The following RTTN variants were observed in gnomAD, a reference collection of about 807,000 sequenced individuals.
RTTN encodes rotatin.
RTTN carries 182 observed loss-of-function variants against 269.2 expected under a neutral mutation model. The ratio of observed to expected loss-of-function variants is 0.68; its 90% CI spans 0.60 to 0.76. The LOEUF is 0.76. Among genes scored for constraint, RTTN ranks in the 30% least tolerant of loss-of-function variants. The pLI is 0.00. For synonymous variants in RTTN, 1,006 were observed against 963.5 expected (o/e 1.04, Z -0.82); for missense variants, 2,545 against 2,608.6 (o/e 0.98, Z 0.53).
At position 70,184,708 on chromosome 18, in the gene RTTN, T is replaced by TGTG. The variant is rs1346425275; in HGVS notation, c.1305+3399_1305+3400insCAC. 2.8e-3 allele frequency among the ~76,000 whole-genome samples: 164 copies of TGTG among 58,548 alleles called. 5 individuals are homozygous for TGTG. Among genetic ancestry groups the TGTG allele is most frequent in the African/African-American group, 0.011 (159 of 14,380 alleles). 38.4% of individuals were successfully genotyped at this position (58,548 alleles called of 152,430 possible). On this transcript the variant is annotated intron_variant, in intron 10 of 48. Coordinates refer to ENST00000640769, the MANE Select transcript of RTTN (RefSeq NM_173630.4). ...TCCATTCAAAACCACAGCAGGTTTT[T>TGTG]TTTTTTTTTGTGTGTGTGTGTGTGT...
In RTTN at chr18:70,142,317, G is replaced by A. The variant is rs374285374; in HGVS notation, c.2552C>T (p.Ala851Val). The A allele has an allele frequency of 2.5e-6, 4 of 1,605,776 alleles. No individual in the cohort carries two copies. Among genetic ancestry groups the A allele is most frequent in the African/African-American group, 2.7e-5 (2 of 74,124 alleles). Reference protein sequence around the residue: ...DDVDLVLRKSAAEQLAVIMQD... With the variant: ...DDVDLVLRKSVAEQLAVIMQD... ...CATAATCACAGCTAACTGTTCAGCA[G>A]CTGACTTTCTCAAAACGAGATCAAC... The change falls in exon 19 of 49, where the codon GCT becomes GTT. Residue 851 changes from alanine to valine, a missense_variant. Physicochemically the swap from Ala to Val is moderately conservative, Grantham distance 64. Transcript: ENST00000640769.
chr18:70,104,815 G>A (rs564107835), intron 28 of RTTN, among the ~76,000 whole-genome samples: 20 of 152,180 alleles, frequency 1.3e-4, no homozygotes, highest in Non-Finnish European at 2.6e-4. Flanking sequence ...AAGAGCAAAT[G>A]TTACAGAACA....
At chr18:70,176,206 T>TATGTATATGTAG (rs2061292729) in intron 11 of RTTN, among the ~76,000 whole-genome samples, 1 of 19,148 alleles carries the variant, frequency 5.2e-5, no homozygotes, top group Non-Finnish European at 1.8e-4. Flanking sequence ...TGTAGATGTA[T>TATGTATATGTAG]ATGTATATGT....
At chr18:70,019,520 C>T (rs1388032233) in intron 45 of RTTN, 1 of 152,016 alleles carries the variant, frequency 6.6e-6, no homozygotes, top group African/African-American at 2.4e-5. Context: ...CATACATGAA[C>T]ATATACATGA....
intron 26 of RTTN, among the ~76,000 whole-genome samples, chr18:70,119,532 G>A (rs1296883054): frequency 1.3e-5 from 2 of 151,564 alleles, no homozygotes; most frequent in Non-Finnish European, 2.9e-5. Context: ...AATGAAAGGA[G>A]ACTAACAACC....
chr18:70,186,011 C>T (rs2061535852), intron 10 of RTTN, among the ~76,000 whole-genome samples: 2 of 148,956 alleles, frequency 1.3e-5, no homozygotes, highest in African/African-American at 5.0e-5. Context: ...AATCATCAGT[C>T]ACTAGGGAAA....
chr18:70,090,170 G>A (rs1319871183), intron 30 of RTTN, among the ~76,000 whole-genome samples: 1 of 152,128 alleles, frequency 6.6e-6, no homozygotes, highest in Non-Finnish European at 1.5e-5. Context: ...AAAGCTGTTG[G>A]ACTTCCTGGA....
intron 43 of RTTN, among the ~76,000 whole-genome samples, chr18:70,025,223 A>T (rs2056820570): frequency 6.6e-6 from 1 of 152,226 alleles, no homozygotes; most frequent in Non-Finnish European, 1.5e-5. Flanking sequence ...ATCAACTCTG[A>T]GTCCTCTTTG....
chr18:70,180,068 C>T (rs185941053), intron 10 of RTTN, among the ~76,000 whole-genome samples: 4 of 152,226 alleles, frequency 2.6e-5, no homozygotes, highest in African/African-American at 9.6e-5. Context: ...CCGATCAGAA[C>T]TATCCATGCC....
rs1327265663 is a variant in RTTN, at chr18:70,052,642, T to TTATATATATATATATATA, written c.5186-1095_5186-1094insTATATATATATATATATA. ...ATAACTTTTCATGTAATTTATTTAC[T>TTATATATATATATATATA]TATATATATATATCATCACAATGTG... On this transcript the variant is annotated intron_variant, in intron 38 of 48. Transcript: ENST00000640769. Among the ~76,000 whole-genome samples, 214 of 145,902 alleles carry TTATATATATATATATATA rather than the reference T, an allele frequency of 1.5e-3. 1 individual carries two copies. Among genetic ancestry groups the TTATATATATATATATATA allele is most frequent in the Non-Finnish European group, 2.4e-3 (159 of 66,256 alleles).
rs951394193 is a variant in RTTN, at chr18:70,048,209, G to A, written c.5324-21C>T. 9 of 1,581,832 alleles carry A rather than the reference G, an allele frequency of 5.7e-6. No individual in the cohort carries two copies. The African/African-American group carries it at 1.1e-4, about 19-fold the overall frequency. On this transcript the variant is annotated intron_variant, in intron 39 of 48. Transcript: ENST00000640769. ...CATATCTAAAGGAATAATTTCAGAT[G>A]TGAATGTTTGAAAATTTCTTCAAAA...
intron 30 of RTTN, among the ~76,000 whole-genome samples, chr18:70,090,311 A>G (rs1391715826): frequency 6.6e-6 from 1 of 152,208 alleles, no homozygotes; most frequent in Non-Finnish European, 1.5e-5. Flanking sequence ...TCCTACACAT[A>G]CATATCTATG....
At position 70,139,657 on chromosome 18, in the gene RTTN, A is replaced by T; in HGVS notation, c.2730T>A (p.Asp910Glu). The change falls in exon 21 of 49, where the codon GAT becomes GAA. Residue 910 changes from aspartate (D) to glutamate (E), a missense_variant. By Grantham distance (45) the Asp-to-Glu change is conservative. Transcript: ENST00000640769. ...LTLLRKVLCG[D>E]PVMRVSLSQQ... ...GCGAGAGCGAAACACGCATGACTGG[A>T]TCACCACATAAAACCTTCCTCAAGA... is the stretch of plus-strand genomic sequence containing the variant. 1 of 1,613,672 alleles carries T rather than the reference A, an allele frequency of 6.2e-7. No homozygotes were observed. The highest frequency in any genetic ancestry group is 8.5e-7 in the Non-Finnish European group (1 of 1,179,668).
intron 39 of RTTN, among the ~76,000 whole-genome samples, chr18:70,049,173 C>G (rs925715482): frequency 6.6e-6 from 1 of 152,168 alleles, no homozygotes; most frequent in Non-Finnish European, 1.5e-5. Context: ...CTATTCACCT[C>G]AACTTTTGTA....
chr18:70,081,782 C>CT (rs1193852544), intron 32 of RTTN, among the ~76,000 whole-genome samples: 4 of 150,310 alleles, frequency 2.7e-5, no homozygotes, highest in South Asian at 4.2e-4. Context: ...ATTTTTTTTT[C>CT]TTTTTTTTCT....
At chr18:70,028,203 C>A (rs1055746422) in intron 43 of RTTN, among the ~76,000 whole-genome samples, 1 of 151,922 alleles carries the variant, frequency 6.6e-6, no homozygotes. Flanking sequence ...TCAGTGCTTA[C>A]AGACGAAGCA....
Position 70,092,171 on chromosome 18 carries a change from T to C in RTTN, c.4082A>G (p.His1361Arg), listed in dbSNP as rs1385408892. The change falls in exon 30 of 49, where the codon CAT (histidine) becomes CGT (arginine). Residue 1361 changes from histidine to arginine, a missense_variant. By Grantham distance (29) the His-to-Arg change is conservative. Transcript: ENST00000640769. ...FLPLGSHSEE[H>R]IPTQQGLAWL... ...AGCCAATCCTTGTTGAGTAGGAATA[T>C]GTTCTTCACTATGACTACCCAAAGG... The C allele has an allele frequency of 1.2e-6, 2 of 1,613,714 alleles. No individual in the cohort carries two copies. Among genetic ancestry groups the C allele is most frequent in the Non-Finnish European group, 1.7e-6 (2 of 1,179,692 alleles).
In RTTN at chr18:70,128,816, G is replaced by A. The variant is rs1183940628; in HGVS notation, c.2955-270C>T. The stretch of plus-strand genomic sequence containing the variant: ...TAGAGTTGTTGTGGAGATAACTAAT[G>A]CTCCTTGAAGTCAGGGACCATGAAT... On this transcript the variant is annotated intron_variant, in intron 23 of 48. Transcript: ENST00000640769. 6 of 296,220 alleles carry A rather than the reference G, an allele frequency of 2.0e-5. No individual in the cohort carries two copies. In the East Asian group the frequency reaches 3.5e-4, roughly 17 times the overall value. 18.3% of individuals were successfully genotyped at this position (296,220 alleles called of 1,614,324 possible).
intron 26 of RTTN, among the ~76,000 whole-genome samples, chr18:70,120,851 G>A (rs953286051): frequency 6.6e-6 from 1 of 152,104 alleles, no homozygotes; most frequent in Non-Finnish European, 1.5e-5. Context: ...CGGAGTTCAA[G>A]ACGAGCCTGG....
Sources: allele counts gnomAD v4.1 joint callset (sites outside exome capture counted in the v4.1 genomes callset), GRCh38; gene constraint gnomAD v4.1.1; transcripts MANE v1.5; gene names NCBI Gene and HGNC (gene_info 2026-07-23, HGNC 2026-07-21).